TAS2R1: variants seen among roughly 807,000 people sequenced by gnomAD.
TAS2R1 encodes taste receptor type 2 member 1.
For missense variants in TAS2R1, 370 were observed against 353.4 expected (o/e 1.05, Z -0.38); for synonymous variants, 141 against 134.2 (o/e 1.05, Z -0.35).
chr5:9,870,684 C>A, the TAS2R1 span, among the ~76,000 whole-genome samples: 2 of 152,112 alleles, frequency 1.3e-5, no homozygotes, highest in East Asian at 3.9e-4. Context: ...GATTGCAGAG[C>A]AGTATCAGGA....
At chr5:9,739,908 T>A in the TAS2R1 span, among the ~76,000 whole-genome samples, 1 of 152,228 alleles carries the variant, frequency 6.6e-6, no homozygotes, top group African/African-American at 2.4e-5. Flanking sequence ...CATTTTAGAT[T>A]TGATGAAATA....
At chr5:9,661,067 G>T (rs1740523494) in intron 1 of TAS2R1, among the ~76,000 whole-genome samples, 1 of 152,112 alleles carries the variant, frequency 6.6e-6, no homozygotes, top group South Asian at 2.1e-4. Context: ...AATCTGTACT[G>T]GATTTAAAGA....
chr5:9,811,452 T>C, the TAS2R1 span, among the ~76,000 whole-genome samples: 8 of 152,150 alleles, frequency 5.3e-5, no homozygotes, highest in African/African-American at 1.9e-4. Flanking sequence ...CCCCCTAAAC[T>C]TAGTGGTGAA....
the TAS2R1 span, among the ~76,000 whole-genome samples, chr5:9,838,310 G>A: frequency 6.6e-6 from 1 of 152,186 alleles, no homozygotes; most frequent in Middle Eastern, 3.4e-3. Context: ...CATATCTGTG[G>A]GCCCCTGGTT....
the TAS2R1 span, among the ~76,000 whole-genome samples, chr5:9,719,370 A>G: frequency 8.5e-3 from 1,302 of 152,292 alleles, 13 homozygotes; most frequent in Admixed American, 0.016. Flanking sequence ...TGGTTTTGCA[A>G]CCTTCGGAGA....
At chr5:9,866,580 G>A in the TAS2R1 span, among the ~76,000 whole-genome samples, 2 of 152,080 alleles carry the variant, frequency 1.3e-5, no homozygotes, top group Admixed American at 1.3e-4. Context: ...TTGTTTTTCA[G>A]TCTTTCTGAG....
the TAS2R1 span, among the ~76,000 whole-genome samples, chr5:9,814,595 C>T: frequency 4.6e-5 from 7 of 152,116 alleles, no homozygotes; most frequent in Non-Finnish European, 8.8e-5. Context: ...GTCAATCCTA[C>T]GTTCTTTCTT....
chr5:9,797,923 C>A, the TAS2R1 span, among the ~76,000 whole-genome samples: 1 of 152,160 alleles, frequency 6.6e-6, no homozygotes, highest in Non-Finnish European at 1.5e-5. Context: ...TGCATATTTG[C>A]CTCCAAAGAT....
At chr5:9,766,431 T>C in the TAS2R1 span, among the ~76,000 whole-genome samples, 2 of 152,214 alleles carry the variant, frequency 1.3e-5, no homozygotes, top group Admixed American at 1.3e-4. Flanking sequence ...ACAAAAATGC[T>C]GGAAGAAGGT....
At chr5:9,901,864 A>G in the TAS2R1 span, among the ~76,000 whole-genome samples, 1 of 151,988 alleles carries the variant, frequency 6.6e-6, no homozygotes, top group African/African-American at 2.4e-5. Context: ...CACTTACTCC[A>G]CCCATGTGTT....
At chr5:9,729,308 C>A in the TAS2R1 span, among the ~76,000 whole-genome samples, 2 of 67,722 alleles carry the variant, frequency 3.0e-5, no homozygotes, top group Admixed American at 1.9e-4. Flanking sequence ...GGGACAGTCA[C>A]GAATGAGGGT....
chr5:9,882,293 A>G, the TAS2R1 span, among the ~76,000 whole-genome samples: 1 of 152,332 alleles, frequency 6.6e-6, no homozygotes, highest in East Asian at 1.9e-4. Context: ...AATCAAAACC[A>G]CAATGAGATA....
At chr5:9,719,948 A>AAAAAAAC in the TAS2R1 span, among the ~76,000 whole-genome samples, 3 of 146,112 alleles carry the variant, frequency 2.1e-5, no homozygotes, top group African/African-American at 8.1e-5. Context: ...ACAAAAACAA[A>AAAAAAAC]AACAAACTAC....
chr5:9,888,766 G>T, the TAS2R1 span, among the ~76,000 whole-genome samples: 2 of 152,224 alleles, frequency 1.3e-5, no homozygotes. Flanking sequence ...TGGACAGGGA[G>T]GGGATGACTC....
the TAS2R1 span, among the ~76,000 whole-genome samples, chr5:9,727,297 A>T: frequency 9.9e-5 from 15 of 152,238 alleles, no homozygotes; most frequent in African/African-American, 3.4e-4. Context: ...CAGACATTTA[A>T]AAGTGATCAT....
the TAS2R1 span, among the ~76,000 whole-genome samples, chr5:9,797,977 A>C: frequency 6.6e-6 from 1 of 152,224 alleles, no homozygotes; most frequent in Non-Finnish European, 1.5e-5. Flanking sequence ...GATAGTTTAA[A>C]AGTGGAAACA....
At chr5:9,888,557 C>T in the TAS2R1 span, among the ~76,000 whole-genome samples, 1 of 152,178 alleles carries the variant, frequency 6.6e-6, no homozygotes, top group Non-Finnish European at 1.5e-5. Context: ...ACGCAGATTG[C>T]AGGGGGAGCA....
In TAS2R1 at chr5:9,629,330, T is replaced by C. The variant is rs759379392; in HGVS notation, c.703A>G (p.Ile235Val). The change falls in exon 1 of 1, where the codon ATC becomes GTC. Residue 235 changes from isoleucine (I) to valine (V), a missense_variant. Physicochemically the swap from Ile to Val is conservative, Grantham distance 29. Transcript: ENST00000382492. Reference sequence around the variant, plus strand: ...ATCATGCAGTGGGAGAAGTAGAGGATCAGGAAGGACAGGATAGACAGCAAC... The same window carrying C: ...ATCATGCAGTGGGAGAAGTAGAGGACCAGGAAGGACAGGATAGACAGCAAC... ...SALLSILSFL[I>V]LYFSHCMIKV... 5.0e-6 allele frequency: 8 copies of C among 1,613,448 alleles called. No individual in the cohort carries two copies. Among genetic ancestry groups the C allele is most frequent in the African/African-American group, 1.3e-5 (1 of 74,820 alleles).
chr5:9,637,401 T>C (rs1364322271), intron 2 of TAS2R1, among the ~76,000 whole-genome samples: 5 of 152,232 alleles, frequency 3.3e-5, no homozygotes, highest in Admixed American at 3.3e-4. Flanking sequence ...GGTGACTATG[T>C]GCCTAGGTGA....
Sources: allele counts gnomAD v4.1 joint callset (sites outside exome capture counted in the v4.1 genomes callset), GRCh38; gene constraint gnomAD v4.1.1; transcripts MANE v1.5; gene names NCBI Gene and HGNC (gene_info 2026-07-23, HGNC 2026-07-21).